ARHGEF11: variants seen among roughly 807,000 people sequenced by gnomAD.
ARHGEF11 encodes Rho guanine nucleotide exchange factor 11, also known as Rho guanine exchange factor (GEF) 11.
ARHGEF11 carries 55 observed loss-of-function variants against 193.7 expected under a neutral mutation model. The observed-to-expected ratio is 0.28, with a 90% CI of 0.23 to 0.36. The LOEUF (loss-of-function observed/expected upper bound fraction) is 0.36. ARHGEF11 is among the 10% of genes least tolerant of loss of function. ARHGEF11 has a pLI of 1.00. For missense variants in ARHGEF11, 1,723 were observed against 2,005.6 expected (o/e 0.86, Z 2.69); for synonymous variants, 693 against 768.0 (o/e 0.90, Z 1.62).
At chr1:156,946,211 G>T in intron 28 of ARHGEF11, 49 bp from the exon 29 acceptor site, 2 of 1,537,446 alleles carry the variant, frequency 1.3e-6, no homozygotes, top group East Asian at 2.3e-5. Flanking sequence ...GTGGCTGGGA[G>T]CTGGCTTATG....
chr1:157,018,468 C>T (rs539233539), intron 1 of ARHGEF11, among the ~76,000 whole-genome samples: 1 of 151,900 alleles, frequency 6.6e-6, no homozygotes, highest in South Asian at 2.1e-4. Flanking sequence ...ATGGTGAAAC[C>T]CCGTCTCTAC....
chr1:156,935,903 A>T lies in ARHGEF11; in HGVS notation c.*97T>A. 1 of 1,351,394 alleles carries T rather than the reference A, an allele frequency of 7.4e-7. No individual in the cohort carries two copies. The highest frequency in any genetic ancestry group is 1.0e-6 in the Non-Finnish European group (1 of 985,572). The allele number at this position is 1,351,394 out of a possible 1,614,324, so 83.7% of individuals were successfully genotyped here. The stretch of plus-strand genomic sequence containing the variant: ...TAGTTTCCCTAACTGCCTCCTCCAC[A>T]GGGAGGAGTGTTGGGATCCCCCCTA... On this transcript the variant is annotated 3_prime_UTR_variant, in exon 41 of 41. Coordinates refer to ENST00000368194, the MANE Select transcript of ARHGEF11 (RefSeq NM_198236.3).
At chr1:156,944,936 C>T (rs1657839643) in intron 30 of ARHGEF11, 83 bp downstream of exon 30, 1 of 1,515,366 alleles carries the variant, frequency 6.6e-7, no homozygotes, top group African/African-American at 1.4e-5. Flanking sequence ...ACCTCTAAGA[C>T]TCTCCAAGCC....
chr1:156,942,114 C>T, intron 33 of ARHGEF11, 125 bp from the exon 34 acceptor site: 1 of 1,386,208 alleles, frequency 7.2e-7, no homozygotes, highest in Non-Finnish European at 9.9e-7. Context: ...CAGGTGCCCA[C>T]CTCCCTGTAC....
chr1:156,985,972 A>G, intron 2 of ARHGEF11, 110 bp downstream of exon 2: 1 of 853,802 alleles, frequency 1.2e-6, no homozygotes, highest in Non-Finnish European at 1.9e-6. Flanking sequence ...ACTACAGACC[A>G]GAGCTCTTCG....
intron 26 of ARHGEF11, 36 bp from the exon 27 acceptor site, chr1:156,947,051 G>T: frequency 6.2e-7 from 1 of 1,612,218 alleles, no homozygotes; most frequent in Non-Finnish European, 8.5e-7. Context: ...AATGCCTGGG[G>T]TTGAGCTCAA....
chr1:157,010,533 C>G (rs1668417011), intron 1 of ARHGEF11, among the ~76,000 whole-genome samples: 1 of 152,076 alleles, frequency 6.6e-6, no homozygotes, highest in African/African-American at 2.4e-5. Flanking sequence ...GGGATCTTCC[C>G]ACCTCAGCCT....
intron 4 of ARHGEF11, 70 bp from the exon 5 acceptor site, chr1:156,979,356 T>C: frequency 1.0e-6 from 1 of 990,900 alleles, no homozygotes; most frequent in East Asian, 2.6e-5. Context: ...AAGTTCAAAA[T>C]GCCACTTTTT....
At chr1:156,961,145 A>C (rs916792697) in intron 14 of ARHGEF11, among the ~76,000 whole-genome samples, 2 of 152,274 alleles carry the variant, frequency 1.3e-5, no homozygotes, top group African/African-American at 4.8e-5. Context: ...CTTTGCAGGC[A>C]GAAATGCTCT....
intron 1 of ARHGEF11, among the ~76,000 whole-genome samples, chr1:156,995,180 C>A (rs952997697): frequency 1.3e-5 from 2 of 152,216 alleles, no homozygotes; most frequent in Non-Finnish European, 2.9e-5. Flanking sequence ...ACTCTAGCCC[C>A]TACCCATTCT....
At chr1:157,033,621 G>C (rs1671565188) in intron 1 of ARHGEF11, among the ~76,000 whole-genome samples, 1 of 152,112 alleles carries the variant, frequency 6.6e-6, no homozygotes, top group Non-Finnish European at 1.5e-5. Context: ...AAACCTCTAA[G>C]AGCATTACAC....
intron 1 of ARHGEF11, among the ~76,000 whole-genome samples, chr1:157,036,118 T>C (rs905552611): frequency 2.3e-4 from 33 of 142,886 alleles, no homozygotes; most frequent in Admixed American, 7.1e-4. Flanking sequence ...TATATGAATA[T>C]ATATATGAAA....
intron 1 of ARHGEF11, among the ~76,000 whole-genome samples, chr1:157,014,856 TTC>T (rs1275900053): frequency 2.0e-5 from 3 of 152,208 alleles, no homozygotes; most frequent in Non-Finnish European, 4.4e-5. Flanking sequence ...TATCCTACCC[TTC>T]CTTCTTAGGA....
intron 7 of ARHGEF11, among the ~76,000 whole-genome samples, chr1:156,974,812 G>A (rs774712011): frequency 6.6e-6 from 1 of 152,174 alleles, no homozygotes; most frequent in Non-Finnish European, 1.5e-5. Context: ...TGTTTTCAGG[G>A]TTCTTCCATG....
chr1:157,044,491 A>T lies in ARHGEF11; in HGVS notation c.-161T>A. ...TCAGGACCCTGGTAACTGATGCTCC[A>T]CTCTACTTCTACCAGTGAACATGAT... is the stretch of plus-strand genomic sequence containing the variant. On this transcript the variant is annotated 5_prime_UTR_variant, in exon 1 of 41. Transcript: ENST00000368194. The T allele has an allele frequency of 1.6e-6, 1 of 624,476 alleles. No individual in the cohort carries two copies. Among genetic ancestry groups the T allele is most frequent in the Non-Finnish European group, 2.9e-6 (1 of 345,802 alleles). 38.7% of individuals were successfully genotyped at this position (624,476 alleles called of 1,614,324 possible). A position where few individuals can be genotyped will look rare whatever the true frequency, so the allele number is the denominator to read the frequency against.
chr1:156,965,724 T>C (rs1661590649), intron 11 of ARHGEF11, among the ~76,000 whole-genome samples: 1 of 152,236 alleles, frequency 6.6e-6, no homozygotes. Flanking sequence ...CTTGGTCACA[T>C]GTATTCTTCT....
At chr1:156,942,643 G>A (rs1657266332) in intron 33 of ARHGEF11, 47 bp downstream of exon 33, 1 of 1,567,394 alleles carries the variant, frequency 6.4e-7, no homozygotes, top group Non-Finnish European at 8.8e-7. Context: ...CACCACCCTG[G>A]TCCGAAAGGG....
chr1:156,968,465 CA>C (rs1227256819), intron 10 of ARHGEF11, among the ~76,000 whole-genome samples: 1 of 152,192 alleles, frequency 6.6e-6, no homozygotes, highest in African/African-American at 2.4e-5. Flanking sequence ...TCTTCATCAC[CA>C]ACTCTGTGGC....
At chr1:156,955,278 C>G (rs2102053587) in intron 20 of ARHGEF11, among the ~76,000 whole-genome samples, 1 of 147,754 alleles carries the variant, frequency 6.8e-6, no homozygotes, top group African/African-American at 2.5e-5. Flanking sequence ...CAAACTTGCC[C>G]CCAACCTGAC....
Sources: gnomAD v4.1 joint callset for allele counts (sites outside exome capture counted in the v4.1 genomes callset) on GRCh38, gnomAD v4.1.1 for gene constraint, MANE v1.5 for transcripts, NCBI Gene and HGNC (gene_info 2026-07-23, HGNC 2026-07-21) for gene names.